PXDNL: variants seen among roughly 807,000 people sequenced by gnomAD.
PXDNL encodes peroxidasin like.
PXDNL carries 145 observed loss-of-function variants against 150.8 expected under a neutral mutation model. That is an observed-to-expected ratio of 0.96 (90% CI 0.84 to 1.10). The LOEUF is 1.10. PXDNL is among the 50% of genes least tolerant of loss of function. The pLI is 0.00. For synonymous variants in PXDNL, 757 were observed against 725.7 expected (o/e 1.04, Z -0.69); for missense variants, 2,087 against 1,873.9 (o/e 1.11, Z -2.10).
At chr8:51,475,959 T>C (rs1810464558) in intron 6 of PXDNL, among the ~76,000 whole-genome samples, 1 of 152,188 alleles carries the variant, frequency 6.6e-6, no homozygotes, top group Non-Finnish European at 1.5e-5. Context: ...TAGCCAAGCA[T>C]GGTGGCACCC....
chr8:51,696,829 A>ATC (rs1160842521), intron 1 of PXDNL, among the ~76,000 whole-genome samples: 1 of 260 alleles, frequency 3.8e-3, no homozygotes, highest in African/African-American at 0.019. Context: ...ACACACACAC[A>ATC]CACACACACA....
intron 5 of PXDNL, among the ~76,000 whole-genome samples, chr8:51,487,879 T>C (rs1183073594): frequency 6.6e-6 from 1 of 152,158 alleles, no homozygotes; most frequent in Admixed American, 6.6e-5. Flanking sequence ...CAAAGGCGCT[T>C]TTGTCAAATC....
intron 1 of PXDNL, among the ~76,000 whole-genome samples, chr8:51,776,556 T>C (rs1454117493): frequency 6.6e-6 from 1 of 152,162 alleles, no homozygotes; most frequent in Non-Finnish European, 1.5e-5. Context: ...AAAGTCTCTA[T>C]CCTTGACTAA....
rs542782690 is a variant in PXDNL at position 51,414,743 on chromosome 8, C to T, written c.1796-1485G>A. Among the ~76,000 whole-genome samples, 17 of 152,252 alleles carry T rather than the reference C, an allele frequency of 1.1e-4. No homozygotes were observed. The South Asian group carries it at 3.5e-3, about 32-fold the overall frequency. On this transcript the variant is annotated intron_variant, in intron 14 of 22. Transcript: ENST00000356297. The stretch of plus-strand genomic sequence containing the variant: ...AAATAGCTGACAATATTTGCAATCT[C>T]AAACTCTGAGGCAGAAATGATATTC...
chr8:51,698,590 G>A (rs1010038839), intron 1 of PXDNL, among the ~76,000 whole-genome samples: 2 of 152,114 alleles, frequency 1.3e-5, no homozygotes, highest in Non-Finnish European at 2.9e-5. Flanking sequence ...AGTTGGAATC[G>A]ACTTCTTCCA....
intron 17 of PXDNL, among the ~76,000 whole-genome samples, chr8:51,388,652 GTCTC>G (rs1242029501): frequency 6.6e-6 from 1 of 151,934 alleles, no homozygotes; most frequent in Non-Finnish European, 1.5e-5. Flanking sequence ...TTCAAACTGG[GTCTC>G]TCTCTCTCAT....
chr8:51,392,234 T>C (rs1807933420), intron 17 of PXDNL, among the ~76,000 whole-genome samples: 1 of 152,230 alleles, frequency 6.6e-6, no homozygotes, highest in African/African-American at 2.4e-5. Context: ...TCTTTTTTGG[T>C]TCCATATGAA....
rs1563510225 is a variant in PXDNL at position 51,696,786 on chromosome 8, C to CACAGTT, written c.165-42027_165-42026insAACTGT. Among the ~76,000 whole-genome samples, 9 of 79,300 alleles carry CACAGTT rather than the reference C, an allele frequency of 1.1e-4. No homozygotes were observed. In the South Asian group the frequency reaches 1.5e-3, roughly 14 times the overall value. The allele number at this position is 79,300 out of a possible 152,430, so 52.0% of individuals were successfully genotyped here. A position where few individuals can be genotyped will look rare whatever the true frequency, so the allele number is the denominator to read the frequency against. ...AGGTCTTCACAGGTCCACACACATA[C>CACAGTT]CCACCCACACATAGGTCTTCACACA... is the stretch of plus-strand genomic sequence containing the variant. On this transcript the variant is annotated intron_variant, in intron 1 of 22. Coordinates refer to ENST00000356297, the MANE Select transcript of PXDNL (RefSeq NM_144651.5).
At chr8:51,564,522 C>A (rs1280587117) in intron 3 of PXDNL, among the ~76,000 whole-genome samples, 2 of 151,428 alleles carry the variant, frequency 1.3e-5, no homozygotes, top group African/African-American at 2.4e-5. Context: ...CTCCTCCCAA[C>A]CTCCACCCTC....
chr8:51,802,789 G>T (rs1290827316), intron 1 of PXDNL, among the ~76,000 whole-genome samples: 1 of 152,178 alleles, frequency 6.6e-6, no homozygotes, highest in East Asian at 1.9e-4. Flanking sequence ...CTGTGAAGTA[G>T]CTTATTGAAC....
chr8:51,596,932 T>C (rs1190791682), intron 2 of PXDNL, among the ~76,000 whole-genome samples: 1 of 152,202 alleles, frequency 6.6e-6, no homozygotes, highest in Non-Finnish European at 1.5e-5. Context: ...TGTTGATTTT[T>C]GTTTTCTTTG....
chr8:51,687,029 T>C (rs1348553734), intron 1 of PXDNL, among the ~76,000 whole-genome samples: 1 of 152,160 alleles, frequency 6.6e-6, no homozygotes. Context: ...AAGAAAATTG[T>C]CATTCTTATT....
intron 8 of PXDNL, 143 bp downstream of exon 8, chr8:51,472,044 G>A (rs1310978876): frequency 3.5e-6 from 2 of 571,412 alleles, no homozygotes; most frequent in Non-Finnish European, 6.2e-6. Flanking sequence ...TAAGTCAACA[G>A]ATAAAAGTTA....
At chr8:51,575,883 A>G (rs928182687) in intron 3 of PXDNL, among the ~76,000 whole-genome samples, 7 of 152,062 alleles carry the variant, frequency 4.6e-5, no homozygotes, top group African/African-American at 1.7e-4. Context: ...TTAATATCAG[A>G]TAAAGTAGGC....
intron 4 of PXDNL, among the ~76,000 whole-genome samples, chr8:51,537,844 A>C (rs1466184647): frequency 2.0e-5 from 3 of 152,140 alleles, no homozygotes; most frequent in African/African-American, 7.2e-5. Flanking sequence ...AAGAGGTTTT[A>C]CCAGTGTTAG....
chr8:51,798,027 T>A (rs2129261473), intron 1 of PXDNL, among the ~76,000 whole-genome samples: 1 of 152,096 alleles, frequency 6.6e-6, no homozygotes, highest in South Asian at 2.1e-4. Flanking sequence ...AGACCACACA[T>A]CTACAATCAG....
At chr8:51,796,086 C>G (rs1047572012) in intron 1 of PXDNL, among the ~76,000 whole-genome samples, 3 of 152,124 alleles carry the variant, frequency 2.0e-5, no homozygotes, top group African/African-American at 7.2e-5. Context: ...GCAAATTTCT[C>G]GGCCTTCCAA....
chr8:51,705,421 C>T (rs1816356651), intron 1 of PXDNL, among the ~76,000 whole-genome samples: 1 of 152,144 alleles, frequency 6.6e-6, no homozygotes, highest in Non-Finnish European at 1.5e-5. Context: ...AAATTAAGGA[C>T]TAATGCTACA....
chr8:51,496,967 G>A (rs139350789), intron 5 of PXDNL, among the ~76,000 whole-genome samples: 8,660 of 152,064 alleles, frequency 0.057, 360 homozygotes, highest in South Asian at 0.092. Flanking sequence ...AAAAGAGCCC[G>A]GATTGCCAAG....
Sources: gnomAD v4.1 joint callset for allele counts (sites outside exome capture counted in the v4.1 genomes callset) on GRCh38, gnomAD v4.1.1 for gene constraint, MANE v1.5 for transcripts, NCBI Gene and HGNC (gene_info 2026-07-23, HGNC 2026-07-21) for gene names.